NACC2: variants seen among roughly 807,000 people sequenced by gnomAD.
The protein encoded by NACC2 is nucleus accumbens-associated protein 2.
A neutral mutation model predicts 25.1 loss-of-function variants in NACC2; 8 were observed. The ratio of observed to expected loss-of-function variants is 0.32; its 90% confidence interval spans 0.19 to 0.57. The LOEUF (loss-of-function observed/expected upper bound fraction) is 0.57, where lower values mean the gene tolerates loss of function less well. Among genes scored for constraint, NACC2 ranks in the 20% least tolerant of loss-of-function variants. NACC2 has a pLI of 0.89. For missense variants in NACC2, 644 were observed against 650.2 expected, an observed-to-expected ratio of 0.99 and a Z score of 0.10; for synonymous variants, 435 against 294.7, an observed-to-expected ratio of 1.48 and a Z score of -4.88.
chr9:136,061,276 C>T (rs1485263605), intron 1 of NACC2, among the ~76,000 whole-genome samples: 1 of 152,224 alleles, frequency 6.6e-6, no homozygotes, highest in Non-Finnish European at 1.5e-5. Context: ...CAAACCCAGG[C>T]TGCCCCAGCC....
At chr9:136,056,318 G>GCCCTCGGCGGCCAGGA (rs1439556799) in intron 1 of NACC2, among the ~76,000 whole-genome samples, 6 of 152,130 alleles carry the variant, frequency 3.9e-5, no homozygotes, top group Admixed American at 3.3e-4. Context: ...CTGGGCCAGG[G>GCCCTCGGCGGCCAGGA]CCCTCGGCGG....
chr9:136,016,708 G>A (rs962260485), intron 2 of NACC2, among the ~76,000 whole-genome samples: 1 of 152,164 alleles, frequency 6.6e-6, no homozygotes, highest in South Asian at 2.1e-4. Flanking sequence ...AGAGATGCCC[G>A]CTCAGGCCCA....
intron 1 of NACC2, among the ~76,000 whole-genome samples, 189 bp from the exon 2 acceptor site, chr9:136,050,769 G>T (rs924251031): frequency 0.066 from 9,984 of 152,228 alleles, 610 homozygotes; most frequent in East Asian, 0.2. Context: ...CCCCCTGGCA[G>T]ACGGGCAAGA....
intron 1 of NACC2, among the ~76,000 whole-genome samples, chr9:136,082,617 T>C (rs2131186847): frequency 6.6e-6 from 1 of 152,256 alleles, no homozygotes; most frequent in South Asian, 2.1e-4. Context: ...GCTGAGCTGA[T>C]GGAGACCCTC....
intron 1 of NACC2, among the ~76,000 whole-genome samples, chr9:136,068,350 T>G (rs1841111986): frequency 1.3e-5 from 2 of 151,240 alleles, no homozygotes; most frequent in African/African-American, 2.4e-5. Context: ...AATACAAAAA[T>G]TAGTTGGGCA....
At chr9:136,046,760 G>A (rs1464425) in intron 2 of NACC2, among the ~76,000 whole-genome samples, 64,676 of 152,116 alleles carry the variant, frequency 0.43, 14,290 homozygotes, top group Non-Finnish European at 0.49. Flanking sequence ...GTGGTGACGC[G>A]GGACCTGGAG....
intron 1 of NACC2, among the ~76,000 whole-genome samples, chr9:136,073,437 A>T (rs1039071073): frequency 1.6e-4 from 24 of 151,468 alleles, no homozygotes; most frequent in South Asian, 1.0e-3. Flanking sequence ...CAAAAAAAAA[A>T]TTTTTAATAA....
intron 1 of NACC2, among the ~76,000 whole-genome samples, chr9:136,056,382 CG>C (rs1287122088): frequency 6.6e-6 from 1 of 152,164 alleles, no homozygotes; most frequent in Non-Finnish European, 1.5e-5. Flanking sequence ...TGGCGTGTGC[CG>C]TGTGCTCACC....
intron 1 of NACC2, among the ~76,000 whole-genome samples, chr9:136,076,758 C>T (rs1368856797): frequency 6.6e-6 from 1 of 152,172 alleles, no homozygotes; most frequent in Non-Finnish European, 1.5e-5. Context: ...CCTGTAATCT[C>T]AGCACTTTGG....
At chr9:136,062,599 C>T (rs1182087471) in intron 1 of NACC2, among the ~76,000 whole-genome samples, 1 of 152,238 alleles carries the variant, frequency 6.6e-6, no homozygotes, top group African/African-American at 2.4e-5. Context: ...TGTACGTTCA[C>T]ACCAGCCTCA....
intron 2 of NACC2, among the ~76,000 whole-genome samples, chr9:136,034,390 G>A (rs1177645698): frequency 1.3e-5 from 2 of 152,300 alleles, no homozygotes; most frequent in South Asian, 4.1e-4. Flanking sequence ...AAGAAAAAAG[G>A]AAGGGAGGAA....
At chr9:136,072,414 G>A (rs1260981394) in intron 1 of NACC2, among the ~76,000 whole-genome samples, 3 of 152,210 alleles carry the variant, frequency 2.0e-5, no homozygotes, top group Admixed American at 1.3e-4. Context: ...GCGTGCTGGT[G>A]TACACCTATA....
intron 2 of NACC2, among the ~76,000 whole-genome samples, chr9:136,046,734 C>T (rs1203197666): frequency 1.3e-5 from 2 of 152,134 alleles, no homozygotes; most frequent in Non-Finnish European, 2.9e-5. Flanking sequence ...TCAAACGTGG[C>T]GGCTCCTTCT....
chr9:136,071,752 A>G (rs1053993568), intron 1 of NACC2, among the ~76,000 whole-genome samples: 14 of 152,176 alleles, frequency 9.2e-5, no homozygotes, highest in African/African-American at 3.4e-4. Flanking sequence ...AGGGACAGAC[A>G]TATGGATCAA....
chr9:136,085,961 C>T (rs773542491), intron 1 of NACC2, among the ~76,000 whole-genome samples: 6 of 151,992 alleles, frequency 3.9e-5, no homozygotes, highest in South Asian at 2.1e-4. Context: ...CTGCACAGAA[C>T]GGCTCTGATG....
At position 136,086,857 on chromosome 9, in the gene NACC2, A is replaced by C. The variant is rs1389018097; in HGVS notation, c.-60+8332T>G. 6.6e-6 allele frequency among the ~76,000 whole-genome samples: 1 copy of C among 152,196 alleles called. No individual in the cohort carries two copies. Among genetic ancestry groups the C allele is most frequent in the Non-Finnish European group, 1.5e-5 (1 of 68,034 alleles). On this transcript the variant is annotated intron_variant, in intron 1 of 5. Coordinates refer to ENST00000277554, the MANE Select transcript of NACC2 (RefSeq NM_144653.5). This position sits in a 1 kb window ranked among gnomAD's most constrained non-coding sequence, Gnocchi z 5.6. ...TCCTCCCACTGTCCTGGGCAAGTGC[A>C]GAGCCAGCCCCCCAGTGCCCTCTAC...
At chr9:136,078,973 G>A (rs1183122942) in intron 1 of NACC2, among the ~76,000 whole-genome samples, 1 of 152,112 alleles carries the variant, frequency 6.6e-6, no homozygotes, top group Admixed American at 6.5e-5. Context: ...ATGCCGCGCC[G>A]CCGCCGCCCC....
At chr9:136,024,348 A>AGG (rs1840350223) in intron 2 of NACC2, among the ~76,000 whole-genome samples, 2 of 111,304 alleles carry the variant, frequency 1.8e-5, no homozygotes, top group Non-Finnish European at 3.6e-5. Context: ...GTGAGGACAG[A>AGG]GTGTGTGTGT....
chr9:136,032,231 C>T (rs1418397738), intron 2 of NACC2, among the ~76,000 whole-genome samples: 1 of 152,234 alleles, frequency 6.6e-6, no homozygotes. Flanking sequence ...CACAGCACAA[C>T]TCAGTTGAAT....
Sources: gnomAD v4.1 joint callset for allele counts (sites outside exome capture counted in the v4.1 genomes callset) on GRCh38, gnomAD v4.1.1 for gene constraint, Gnocchi (gnomAD v3.1) non-coding constraint, MANE v1.5 for transcripts, NCBI Gene and HGNC (gene_info 2026-07-23, HGNC 2026-07-21) for gene names.